LYPLAL1: variants seen among roughly 807,000 people sequenced by gnomAD.
The protein encoded by LYPLAL1 is lysophospholipase-like protein 1.
Under a neutral mutation model 19.7 loss-of-function variants are expected in LYPLAL1, and 23 were observed. The ratio of observed to expected loss-of-function variants is 1.17; its 90% CI spans 0.84 to 1.65. LYPLAL1 has a LOEUF of 1.65. Ranked by LOEUF, LYPLAL1 falls within the 40% of genes most tolerant of loss-of-function variation. LYPLAL1 has a pLI of 0.00. For synonymous variants in LYPLAL1, 119 were observed against 96.3 expected (o/e 1.24, Z -1.38); for missense variants, 355 against 279.4 (o/e 1.27, Z -1.93).
At chr1:219,304,037 C>A in the LYPLAL1 span, among the ~76,000 whole-genome samples, 1 of 152,270 alleles carries the variant, frequency 6.6e-6, no homozygotes, top group South Asian at 2.1e-4. Flanking sequence ...TAAATATTTA[C>A]AATGATTTAC....
the LYPLAL1 span, among the ~76,000 whole-genome samples, chr1:219,351,517 G>A: frequency 6.6e-6 from 1 of 151,696 alleles, no homozygotes; most frequent in Non-Finnish European, 1.5e-5. Context: ...AATGCCACTG[G>A]CTTATGTCTG....
At chr1:219,183,287 T>C (rs1656443686) in intron 2 of LYPLAL1, among the ~76,000 whole-genome samples, 1 of 152,110 alleles carries the variant, frequency 6.6e-6, no homozygotes, top group South Asian at 2.1e-4. Flanking sequence ...GGTCATCTTT[T>C]TCTATTGATT....
chr1:219,225,587 C>T, the LYPLAL1 span: 2 of 152,194 alleles, frequency 1.3e-5, no homozygotes, highest in African/African-American at 2.4e-5. Context: ...TTCTACCCTC[C>T]TCATAATCAG....
the LYPLAL1 span, among the ~76,000 whole-genome samples, chr1:219,235,000 T>C: frequency 6.6e-6 from 1 of 152,206 alleles, no homozygotes. Context: ...CTTAAAATTA[T>C]TACTAAAGTA....
the LYPLAL1 span, among the ~76,000 whole-genome samples, chr1:219,437,403 C>T: frequency 6.6e-6 from 1 of 152,064 alleles, no homozygotes; most frequent in African/African-American, 2.4e-5. Context: ...TCAAATCTTC[C>T]ACGTCTTCTT....
At chr1:219,364,197 T>C in the LYPLAL1 span, among the ~76,000 whole-genome samples, 150 of 152,260 alleles carry the variant, frequency 9.9e-4, no homozygotes, top group African/African-American at 3.3e-3. Context: ...CATAATGTCA[T>C]TGAACAACGC....
At chr1:219,268,728 T>C in the LYPLAL1 span, among the ~76,000 whole-genome samples, 1 of 152,232 alleles carries the variant, frequency 6.6e-6, no homozygotes, top group African/African-American at 2.4e-5. Flanking sequence ...TACATTACTC[T>C]AGGGAAACTC....
chr1:219,432,718 G>A, the LYPLAL1 span, among the ~76,000 whole-genome samples: 94 of 152,324 alleles, frequency 6.2e-4, no homozygotes, highest in African/African-American at 2.1e-3. Flanking sequence ...TTAATCTGTT[G>A]TTTTAGGGAG....
chr1:219,335,872 C>G, the LYPLAL1 span, among the ~76,000 whole-genome samples: 1 of 151,288 alleles, frequency 6.6e-6, no homozygotes, highest in African/African-American at 2.4e-5. Flanking sequence ...GTGGACAGAC[C>G]CTAATAAGAA....
intron 2 of LYPLAL1, among the ~76,000 whole-genome samples, chr1:219,186,875 G>A (rs1442391639): frequency 2.0e-5 from 3 of 151,680 alleles, no homozygotes; most frequent in Admixed American, 6.6e-5. Flanking sequence ...TAATATGCTT[G>A]AATTTAGGTC....
chr1:219,419,548 AACACACACACACACACAC>A, the LYPLAL1 span, among the ~76,000 whole-genome samples: 9 of 97,796 alleles, frequency 9.2e-5, no homozygotes, highest in South Asian at 4.2e-4. Context: ...GCCCTAGCCC[AACACACACACACACACAC>A]ACACACACAC....
At chr1:219,232,411 G>C in the LYPLAL1 span, among the ~76,000 whole-genome samples, 1 of 152,120 alleles carries the variant, frequency 6.6e-6, no homozygotes, top group African/African-American at 2.4e-5. Flanking sequence ...ATGGATCAAT[G>C]AGGGCTAAAC....
the LYPLAL1 span, among the ~76,000 whole-genome samples, chr1:219,416,160 A>T: frequency 6.6e-6 from 1 of 152,234 alleles, no homozygotes; most frequent in Non-Finnish European, 1.5e-5. Flanking sequence ...TTAATAATTA[A>T]CTAAAATTTT....
the LYPLAL1 span, among the ~76,000 whole-genome samples, chr1:219,344,976 C>T: frequency 6.6e-6 from 1 of 152,156 alleles, no homozygotes; most frequent in African/African-American, 2.4e-5. Context: ...CATATTTATC[C>T]TATATGTGAC....
chr1:219,259,026 C>G, the LYPLAL1 span, among the ~76,000 whole-genome samples: 32 of 151,986 alleles, frequency 2.1e-4, no homozygotes, highest in African/African-American at 7.7e-4. Flanking sequence ...CTTAACATCA[C>G]TAATTATCAG....
the LYPLAL1 span, among the ~76,000 whole-genome samples, chr1:219,378,388 A>G: frequency 6.6e-6 from 1 of 152,180 alleles, no homozygotes; most frequent in African/African-American, 2.4e-5. Context: ...AGATCTCATT[A>G]GAACTCACTC....
At chr1:219,325,816 T>C in the LYPLAL1 span, among the ~76,000 whole-genome samples, 1 of 152,200 alleles carries the variant, frequency 6.6e-6, no homozygotes, top group African/African-American at 2.4e-5. Context: ...ATTGTTTCCA[T>C]ATCTTCTGAC....
the LYPLAL1 span, among the ~76,000 whole-genome samples, chr1:219,279,254 A>AGAAT: frequency 3.3e-4 from 50 of 152,260 alleles, no homozygotes; most frequent in East Asian, 8.7e-3. Context: ...TGACAAGGAG[A>AGAAT]GAATGGCATA....
chr1:219,316,612 T>C, the LYPLAL1 span, among the ~76,000 whole-genome samples: 1 of 152,154 alleles, frequency 6.6e-6, no homozygotes, highest in Non-Finnish European at 1.5e-5. Flanking sequence ...AGCAGCAGTA[T>C]TTACAATAAC....
Sources: allele counts gnomAD v4.1 joint callset (sites outside exome capture counted in the v4.1 genomes callset), GRCh38; gene constraint gnomAD v4.1.1; transcripts MANE v1.5; gene names NCBI Gene and HGNC (gene_info 2026-07-23, HGNC 2026-07-21).